Variants in PKHD1 observed in about 807,000 individuals in gnomAD.
PKHD1 encodes fibrocystin.
A neutral mutation model predicts 412.0 loss-of-function variants in PKHD1; 291 were observed. The observed-to-expected ratio is 0.71, with a 90% CI of 0.64 to 0.78. The LOEUF is 0.78. Ranked by LOEUF, PKHD1 falls within the 30% of genes least tolerant of loss-of-function variation. The pLI, the probability that PKHD1 is intolerant of heterozygous loss-of-function variation, is 0.00. For synonymous variants in PKHD1, 1,777 were observed against 1,821.5 expected (o/e 0.98, Z 0.62); for missense variants, 4,825 against 4,950.7 (o/e 0.97, Z 0.76).
intron 37 of PKHD1, among the ~76,000 whole-genome samples, chr6:51,918,426 CT>C (rs1254213298): frequency 6.6e-6 from 1 of 152,052 alleles, no homozygotes; most frequent in African/African-American, 2.4e-5. Flanking sequence ...TCAACTCCTG[CT>C]TATGAGTGAG....
At chr6:52,020,224 G>C (rs1801194548) in intron 33 of PKHD1, among the ~76,000 whole-genome samples, 1 of 152,206 alleles carries the variant, frequency 6.6e-6, no homozygotes, top group Admixed American at 6.5e-5. Flanking sequence ...TAAATATGAG[G>C]AAAGTCCAGC....
chr6:51,885,746 T>TCC (rs2127551448), intron 45 of PKHD1, 121 bp downstream of exon 45: 1 of 734,340 alleles, frequency 1.4e-6, no homozygotes, highest in South Asian at 1.5e-5. Flanking sequence ...ACAGCAATGC[T>TCC]CCCCTCAAGG....
chr6:51,836,434 C>T lies in PKHD1; in HGVS notation c.8143G>A (p.Val2715Met), dbSNP rs1471666922. The T allele has an allele frequency of 1.2e-6, 2 of 1,613,140 alleles. No homozygotes were observed. Among genetic ancestry groups the T allele is most frequent in the East Asian group, 2.2e-5 (1 of 44,874 alleles). The change falls in exon 51 of 67, where the codon GTG becomes ATG. Residue 2715 changes from valine to methionine, a missense_variant. By Grantham distance (21) the Val-to-Met change is conservative. Transcript: ENST00000371117. ...ATAGTTGGGGGCATACCTTCCTTCA[C>T]CCGGAGAATGACTTGAACTTGGCCT... ...GEGQVQVILR[V>M]KEGMPPTISA...
chr6:51,888,393 T>C (rs1778543693), intron 43 of PKHD1, among the ~76,000 whole-genome samples: 1 of 152,230 alleles, frequency 6.6e-6, no homozygotes, highest in Non-Finnish European at 1.5e-5. Context: ...TTCATCCCTA[T>C]GTAACATAGA....
intron 43 of PKHD1, among the ~76,000 whole-genome samples, chr6:51,896,939 G>A (rs984356899): frequency 1.3e-5 from 2 of 152,122 alleles, no homozygotes; most frequent in Non-Finnish European, 2.9e-5. Flanking sequence ...TGAATGAAAT[G>A]AAGCGAGAAG....
At chr6:51,952,018 A>G (rs1167751002) in intron 36 of PKHD1, among the ~76,000 whole-genome samples, 1 of 152,172 alleles carries the variant, frequency 6.6e-6, no homozygotes, top group Non-Finnish European at 1.5e-5. Flanking sequence ...TCATGTTACA[A>G]TATCCAAGTT....
intron 34 of PKHD1, among the ~76,000 whole-genome samples, chr6:52,016,646 AAAAAAAAAGAAAAG>A (rs1698728218): frequency 6.6e-6 from 1 of 151,118 alleles, no homozygotes; most frequent in Non-Finnish European, 1.5e-5. Context: ...AAAAAAAAAA[AAAAAAAAAGAAAAG>A]AAAAAGAAAA....
intron 51 of PKHD1, among the ~76,000 whole-genome samples, chr6:51,832,349 A>G (rs1768404206): frequency 6.6e-6 from 1 of 152,130 alleles, no homozygotes; most frequent in South Asian, 2.1e-4. Context: ...GTTGCACTGC[A>G]GACAGAAGGA....
chr6:51,784,875 T>A (rs530114755), intron 53 of PKHD1, among the ~76,000 whole-genome samples: 1 of 152,318 alleles, frequency 6.6e-6, no homozygotes, highest in East Asian at 1.9e-4. Flanking sequence ...TAGTCTGATG[T>A]CACATTGACT....
rs757717736 is a variant in PKHD1, at chr6:51,909,459, C to G, written c.6506G>C (p.Cys2169Ser). The G allele has an allele frequency of 3.7e-6, 6 of 1,613,036 alleles. No individual in the cohort carries two copies. The highest frequency in any genetic ancestry group is 5.1e-6 in the Non-Finnish European group (6 of 1,179,210). Residue 2169 changes from cysteine (C) to serine (S), a missense_variant, in exon 40 of 67, where the codon TGT becomes TCT. Transcript: ENST00000371117. ...ANAPEGNLQHCLYSMSEKMLG... is the reference protein window; with the variant it reads ...ANAPEGNLQHSLYSMSEKMLG... Reference sequence around the variant, plus strand: ...CATCTTCTCACTCATGGAATACAAACAGTGCTGCAGATTACCTGAAATGCA... The same window carrying G: ...CATCTTCTCACTCATGGAATACAAAGAGTGCTGCAGATTACCTGAAATGCA...
intron 34 of PKHD1, among the ~76,000 whole-genome samples, chr6:52,016,635 C>CAAAAAAAAAAAAA (rs10579713): frequency 1.7e-5 from 2 of 118,916 alleles, no homozygotes; most frequent in African/African-American, 6.8e-5. Flanking sequence ...GACTCTGTCT[C>CAAAAAAAAAAAAA]AAAAAAAAAA....
intron 43 of PKHD1, among the ~76,000 whole-genome samples, chr6:51,889,093 C>T (rs1463383323): frequency 1.3e-5 from 2 of 151,960 alleles, no homozygotes; most frequent in Non-Finnish European, 2.9e-5. Flanking sequence ...AGGGAGTCTC[C>T]AAGGCTCCCA....
chr6:52,023,093 T>C, intron 32 of PKHD1, 149 bp from the exon 33 acceptor site: 1 of 833,118 alleles, frequency 1.2e-6, no homozygotes, highest in South Asian at 1.5e-5. Context: ...GCTGCTGGCC[T>C]CAGTTTCCTC....
In PKHD1 at chr6:52,048,475, C is replaced by T; in HGVS notation, c.2407+17G>A. The T allele has an allele frequency of 2.3e-5, 37 of 1,613,570 alleles. No individual in the cohort carries two copies. The highest frequency in any genetic ancestry group is 3.1e-5 in the Non-Finnish European group (36 of 1,179,548). On this transcript the variant is annotated intron_variant, in intron 23 of 66. Transcript: ENST00000371117. ...ATATGTGAGTGAGAATTGTTGCAAC[C>T]CCAATCACCCCTTTACCAGAAATCA...
At chr6:51,925,438 C>CGTGTGTGTGTGTGT (rs537973238) in intron 37 of PKHD1, among the ~76,000 whole-genome samples, 37 of 147,488 alleles carry the variant, frequency 2.5e-4, no homozygotes, top group African/African-American at 9.3e-4. Flanking sequence ...AATTGTTCTT[C>CGTGTGTGTGTGTGT]GTGTGTGTGT....
chr6:51,626,763 A>G (rs1173363014), intron 66 of PKHD1, among the ~76,000 whole-genome samples: 1 of 152,178 alleles, frequency 6.6e-6, no homozygotes, highest in South Asian at 2.1e-4. Context: ...TAAACCAATA[A>G]TCTTCTACTA....
At chr6:51,972,941 G>A (rs1793888723) in intron 35 of PKHD1, among the ~76,000 whole-genome samples, 1 of 152,124 alleles carries the variant, frequency 6.6e-6, no homozygotes, top group Non-Finnish European at 1.5e-5. Flanking sequence ...AATCTGATAG[G>A]AACCCTCCAT....
chr6:51,947,660 C>T (rs1290896295), intron 36 of PKHD1, among the ~76,000 whole-genome samples: 1 of 152,188 alleles, frequency 6.6e-6, no homozygotes, highest in Non-Finnish European at 1.5e-5. Flanking sequence ...CAACCACTGA[C>T]ACTTGGTGGG....
intron 36 of PKHD1, among the ~76,000 whole-genome samples, chr6:51,957,724 C>A (rs1241314799): frequency 1.3e-5 from 2 of 152,014 alleles, no homozygotes; most frequent in Non-Finnish European, 2.9e-5. Context: ...AGAATTTCCT[C>A]AAACTTTGAT....
Sources: gnomAD v4.1 joint callset for allele counts (sites outside exome capture counted in the v4.1 genomes callset) on GRCh38, gnomAD v4.1.1 for gene constraint, MANE v1.5 for transcripts, NCBI Gene and HGNC (gene_info 2026-07-23, HGNC 2026-07-21) for gene names.